Variants in CNTN4 observed in about 807,000 individuals in gnomAD.
The protein encoded by CNTN4 is contactin 4, also known as contactin-4.
In CNTN4, 77 loss-of-function variants were observed where a neutral mutation model predicts 122.5. The observed-to-expected ratio is 0.63, with a 90% CI of 0.52 to 0.76. CNTN4 has a LOEUF of 0.76. Ranked by LOEUF, CNTN4 falls within the 30% of genes least tolerant of loss-of-function variation. CNTN4 has a pLI of 0.00. For missense variants in CNTN4, 1,256 were observed against 1,259.1 expected (o/e 1.00, Z 0.04); for synonymous variants, 512 against 447.0 (o/e 1.15, Z -1.83).
At chr3:2,164,692 A>T (rs1340199308) in intron 2 of CNTN4, among the ~76,000 whole-genome samples, 1 of 152,200 alleles carries the variant, frequency 6.6e-6, no homozygotes, top group Non-Finnish European at 1.5e-5. Flanking sequence ...CTCATCTGCC[A>T]CAGAAAATGC....
chr3:2,601,164 T>G (rs1466255599), intron 4 of CNTN4, among the ~76,000 whole-genome samples: 1 of 152,214 alleles, frequency 6.6e-6, no homozygotes, highest in South Asian at 2.1e-4. Context: ...CTGTTCACTC[T>G]GATGGTAGTT....
At chr3:2,854,268 C>CTTTTTTTTTTTT (rs56147510) in intron 7 of CNTN4, among the ~76,000 whole-genome samples, 5 of 90,048 alleles carry the variant, frequency 5.6e-5, no homozygotes, top group Non-Finnish European at 6.1e-5. Flanking sequence ...CTTTCTTCTT[C>CTTTTTTTTTTTT]TTTTTTTTTT....
At chr3:2,328,395 G>C (rs770768340) in intron 2 of CNTN4, among the ~76,000 whole-genome samples, 22 of 152,152 alleles carry the variant, frequency 1.4e-4, no homozygotes, top group African/African-American at 4.6e-4. Flanking sequence ...GACAGAGCGA[G>C]ACTCCGTCTC....
chr3:2,991,298 G>A (rs978643561), intron 14 of CNTN4, among the ~76,000 whole-genome samples: 13 of 152,304 alleles, frequency 8.5e-5, no homozygotes, highest in Middle Eastern at 3.4e-3. Context: ...GTAGGTATGA[G>A]CCATGAGGTT....
intron 3 of CNTN4, among the ~76,000 whole-genome samples, chr3:2,480,747 A>G (rs1034086912): frequency 6.6e-6 from 1 of 152,238 alleles, no homozygotes; most frequent in Admixed American, 6.5e-5. Flanking sequence ...GTGGATATGT[A>G]CTTATTGAGT....
chr3:2,302,790 A>T (rs1666381), intron 2 of CNTN4, among the ~76,000 whole-genome samples: 49,644 of 152,024 alleles, frequency 0.33, 9,070 homozygotes, highest in East Asian at 0.52. Context: ...ATATGTTGGG[A>T]TGTCTCATCC....
chr3:2,606,226 C>G (rs551843888), intron 4 of CNTN4, among the ~76,000 whole-genome samples: 1 of 152,084 alleles, frequency 6.6e-6, no homozygotes, highest in African/African-American at 2.4e-5. Flanking sequence ...TTTAGATTGT[C>G]GTGATTCCTT....
chr3:2,428,641 C>T (rs1466848799), intron 3 of CNTN4, among the ~76,000 whole-genome samples: 2 of 152,146 alleles, frequency 1.3e-5, no homozygotes, highest in Non-Finnish European at 2.9e-5. Flanking sequence ...TGGGGAAGTT[C>T]TCCCAGATAA....
intron 6 of CNTN4, among the ~76,000 whole-genome samples, chr3:2,795,199 T>C (rs2092132623): frequency 6.6e-6 from 1 of 152,218 alleles, no homozygotes; most frequent in Admixed American, 6.5e-5. Flanking sequence ...AGTTACTGTT[T>C]TGAAAGTATC....
chr3:2,449,369 C>T (rs2048739831), intron 3 of CNTN4, among the ~76,000 whole-genome samples: 1 of 151,984 alleles, frequency 6.6e-6, no homozygotes, highest in African/African-American at 2.4e-5. Flanking sequence ...AATCCCAGCA[C>T]TTTGGGAGGC....
At chr3:2,934,366 A>C (rs1453168835) in intron 13 of CNTN4, among the ~76,000 whole-genome samples, 3 of 152,232 alleles carry the variant, frequency 2.0e-5, no homozygotes, top group African/African-American at 7.2e-5. Flanking sequence ...CCAAAGTGAA[A>C]TTGGATCATA....
At chr3:2,884,699 C>A (rs572406593) in intron 9 of CNTN4, among the ~76,000 whole-genome samples, 4 of 152,058 alleles carry the variant, frequency 2.6e-5, no homozygotes, top group Non-Finnish European at 5.9e-5. Flanking sequence ...TCTAGATATA[C>A]ATTTGATGAA....
At chr3:2,846,455 T>C (rs1210868939) in intron 7 of CNTN4, among the ~76,000 whole-genome samples, 1 of 152,176 alleles carries the variant, frequency 6.6e-6, no homozygotes, top group Admixed American at 6.5e-5. Context: ...TGCAGGATGG[T>C]GAGTCAATTA....
chr3:2,785,356 A>C lies in CNTN4; in HGVS notation c.359-34130A>C, dbSNP rs140401439. Among the ~76,000 whole-genome samples the C allele has an allele frequency of 2.0e-4, 30 of 152,232 alleles. No individual in the cohort carries two copies. The East Asian group carries it at 5.2e-3, about 27-fold the overall frequency. On this transcript the variant is annotated intron_variant, in intron 6 of 24. Coordinates refer to ENST00000418658, the MANE Select transcript of CNTN4 (RefSeq NM_175607.3). The stretch of plus-strand genomic sequence containing the variant: ...GAGAAGAGCAATATCTGAGCTCAGT[A>C]GGCAGGCAGGAAGCAAAAGGAGTGA...
chr3:2,254,302 CG>C (rs1171478006), intron 2 of CNTN4, among the ~76,000 whole-genome samples: 3 of 151,956 alleles, frequency 2.0e-5, no homozygotes, highest in Non-Finnish European at 4.4e-5. Flanking sequence ...GATGGGCATA[CG>C]GGTTGGTTCC....
At chr3:3,011,373 G>A (rs1007959910) in intron 14 of CNTN4, among the ~76,000 whole-genome samples, 15 of 152,146 alleles carry the variant, frequency 9.9e-5, no homozygotes, top group African/African-American at 3.6e-4. Flanking sequence ...TCAGCTCAGG[G>A]TCATATTGTC....
At chr3:2,187,582 C>T (rs2037332030) in intron 2 of CNTN4, among the ~76,000 whole-genome samples, 1 of 152,102 alleles carries the variant, frequency 6.6e-6, no homozygotes, top group Non-Finnish European at 1.5e-5. Context: ...TCTGGGTTGC[C>T]CTTTTGGCCC....
intron 2 of CNTN4, among the ~76,000 whole-genome samples, chr3:2,232,388 T>C (rs939361660): frequency 1.1e-4 from 16 of 152,192 alleles, no homozygotes; most frequent in Admixed American, 6.5e-5. Context: ...TATAGCATAC[T>C]CCAAATGTTT....
intron 3 of CNTN4, among the ~76,000 whole-genome samples, chr3:2,357,872 A>C (rs2044939293): frequency 6.6e-6 from 1 of 152,230 alleles, no homozygotes; most frequent in African/African-American, 2.4e-5. Context: ...AAATTTAAAT[A>C]CTGGGGTACT....
Sources: gnomAD v4.1 joint callset for allele counts (sites outside exome capture counted in the v4.1 genomes callset) on GRCh38, gnomAD v4.1.1 for gene constraint, MANE v1.5 for transcripts, NCBI Gene and HGNC (gene_info 2026-07-23, HGNC 2026-07-21) for gene names.